Variants in ANKS1B observed in about 807,000 individuals in gnomAD.
ANKS1B encodes the protein ankyrin repeat and sterile alpha motif domain-containing protein 1B.
ANKS1B carries 36 observed loss-of-function variants against 148.3 expected under a neutral mutation model. The ratio of observed to expected loss-of-function variants is 0.24; its 90% CI spans 0.19 to 0.32. ANKS1B has a LOEUF of 0.32. Ranked by LOEUF, ANKS1B falls within the 10% of genes least tolerant of loss-of-function variation. The pLI is 1.00. For synonymous variants in ANKS1B, 542 were observed against 560.8 expected, an observed-to-expected ratio of 0.97 and a Z score of 0.47; for missense variants, 1,157 against 1,542.6, an observed-to-expected ratio of 0.75 and a Z score of 4.19.
At chr12:99,655,734 G>A (rs999547470) in intron 8 of ANKS1B, among the ~76,000 whole-genome samples, 8 of 151,922 alleles carry the variant, frequency 5.3e-5, no homozygotes, top group Admixed American at 1.3e-4. Context: ...ATTTTCCTTC[G>A]TTATCTCCCA....
At chr12:99,355,198 G>A (rs1361330940) in intron 12 of ANKS1B, among the ~76,000 whole-genome samples, 1 of 152,030 alleles carries the variant, frequency 6.6e-6, no homozygotes, top group Non-Finnish European at 1.5e-5. Flanking sequence ...ACCTAAGAGA[G>A]CGGAATTGCT....
chr12:99,476,114 C>T (rs1391375837), intron 10 of ANKS1B, among the ~76,000 whole-genome samples: 1 of 152,024 alleles, frequency 6.6e-6, no homozygotes, highest in Non-Finnish European at 1.5e-5. Context: ...AATTGAAGGC[C>T]AGGTGCGGCA....
At chr12:99,586,181 G>A (rs1163992318) in intron 9 of ANKS1B, among the ~76,000 whole-genome samples, 2 of 152,230 alleles carry the variant, frequency 1.3e-5, no homozygotes, top group East Asian at 3.9e-4. Flanking sequence ...GCTTTTATCA[G>A]CATCCAAGTC....
At chr12:99,856,709 G>C (rs1436043282) in intron 1 of ANKS1B, among the ~76,000 whole-genome samples, 1 of 152,108 alleles carries the variant, frequency 6.6e-6, no homozygotes, top group Non-Finnish European at 1.5e-5. Flanking sequence ...TTCATACGAG[G>C]GATGCGGGGA....
Position 98,862,994 on chromosome 12 carries a change from T to A in ANKS1B, c.2779-30858A>T, listed in dbSNP as rs184662687. 2.6e-5 allele frequency among the ~76,000 whole-genome samples: 4 copies of A among 152,344 alleles called. No individual in the cohort carries two copies. In the East Asian group the frequency reaches 7.7e-4, roughly 29 times the overall value. On this transcript the variant is annotated intron_variant, in intron 17 of 26. Transcript: ENST00000683438. ...ATGAAAACCAACAGATCATTCTACA[T>A]GTCTCCTGACACATTTACAACAGGC...
rs542723353 is a variant in ANKS1B at position 99,332,299 on chromosome 12, GCTGT to G, written c.1756+67328_1756+67331del. 4.2e-4 allele frequency among the ~76,000 whole-genome samples: 64 copies of G among 152,138 alleles called. 1 individual carries two copies. In the South Asian group the frequency reaches 4.4e-3, roughly 10 times the overall value. ...CACTGATCTACAACATATACGATGT[GCTGT>G]CTAAGACTTTTTTACTGCATATCAA... is the stretch of plus-strand genomic sequence containing the variant. On this transcript the variant is annotated intron_variant, in intron 12 of 26. Transcript: ENST00000683438.
At chr12:98,770,179 T>C (rs1018248432) in intron 25 of ANKS1B, among the ~76,000 whole-genome samples, 2 of 152,250 alleles carry the variant, frequency 1.3e-5, no homozygotes, top group African/African-American at 4.8e-5. Context: ...GTAGAAACTC[T>C]TGTCTCTGTT....
intron 15 of ANKS1B, among the ~76,000 whole-genome samples, chr12:99,100,086 A>G (rs890804174): frequency 6.6e-6 from 1 of 152,216 alleles, no homozygotes; most frequent in Non-Finnish European, 1.5e-5. Flanking sequence ...ACTTAAGAAT[A>G]GCTTACCATC....
At chr12:99,329,983 T>C (rs567370434) in intron 12 of ANKS1B, among the ~76,000 whole-genome samples, 1 of 152,070 alleles carries the variant, frequency 6.6e-6, no homozygotes, top group African/African-American at 2.4e-5. Context: ...CTTGCATCTA[T>C]TTCTCCCTTA....
At chr12:99,667,416 TA>T (rs924416069) in intron 8 of ANKS1B, among the ~76,000 whole-genome samples, 9 of 150,012 alleles carry the variant, frequency 6.0e-5, no homozygotes, top group African/African-American at 7.4e-5. Flanking sequence ...GTTCCTCATG[TA>T]AAAAAAAAAT....
chr12:99,888,026 T>C (rs2092915856), intron 1 of ANKS1B, among the ~76,000 whole-genome samples: 1 of 152,180 alleles, frequency 6.6e-6, no homozygotes, highest in Admixed American at 6.5e-5. Context: ...CCCTTCAGAA[T>C]TCATCCAAGA....
intron 11 of ANKS1B, among the ~76,000 whole-genome samples, chr12:99,408,307 G>A (rs2094580946): frequency 1.4e-5 from 2 of 145,352 alleles, no homozygotes; most frequent in Admixed American, 6.8e-5. Flanking sequence ...GCAGAAGAAC[G>A]AAAGTAGACC....
At chr12:98,996,126 G>A (rs2099929415) in intron 17 of ANKS1B, among the ~76,000 whole-genome samples, 1 of 151,980 alleles carries the variant, frequency 6.6e-6, no homozygotes, top group Admixed American at 6.6e-5. Flanking sequence ...TTGACTCGGT[G>A]GGGAAAAATT....
chr12:99,400,075 T>C (rs2094360752), intron 11 of ANKS1B, among the ~76,000 whole-genome samples: 1 of 152,122 alleles, frequency 6.6e-6, no homozygotes, highest in Non-Finnish European at 1.5e-5. Context: ...ATTGTAAAAA[T>C]ATAGTGCACA....
At chr12:99,094,789 A>G (rs1233005011) in intron 15 of ANKS1B, among the ~76,000 whole-genome samples, 1 of 152,224 alleles carries the variant, frequency 6.6e-6, no homozygotes, top group African/African-American at 2.4e-5. Context: ...AGAGACTTGC[A>G]GACTCTGATA....
At chr12:99,288,140 G>A (rs2079393662) in intron 12 of ANKS1B, among the ~76,000 whole-genome samples, 1 of 152,020 alleles carries the variant, frequency 6.6e-6, no homozygotes, top group South Asian at 2.1e-4. Flanking sequence ...CAAAGGTCAA[G>A]TATAAAGAAA....
intron 2 of ANKS1B, among the ~76,000 whole-genome samples, chr12:99,815,186 C>A (rs930159520): frequency 6.6e-6 from 1 of 151,666 alleles, no homozygotes; most frequent in African/African-American, 2.4e-5. Flanking sequence ...TGTTCTTTGG[C>A]TCAAATTTTA....
At chr12:99,623,460 A>C (rs1270153623) in intron 9 of ANKS1B, among the ~76,000 whole-genome samples, 1 of 151,790 alleles carries the variant, frequency 6.6e-6, no homozygotes, top group Non-Finnish European at 1.5e-5. Context: ...AAGAAGTCAA[A>C]CTCTCTTCTT....
chr12:98,835,677 T>C (rs2099358736), intron 17 of ANKS1B, among the ~76,000 whole-genome samples: 1 of 152,168 alleles, frequency 6.6e-6, no homozygotes, highest in Non-Finnish European at 1.5e-5. Flanking sequence ...TGAAGCTTCA[T>C]TGCTGTCTCC....
Sources: allele counts gnomAD v4.1 joint callset (sites outside exome capture counted in the v4.1 genomes callset), GRCh38; gene constraint gnomAD v4.1.1; transcripts MANE v1.5; gene names NCBI Gene and HGNC (gene_info 2026-07-23, HGNC 2026-07-21).